MINDY4: variants seen among roughly 807,000 people sequenced by gnomAD.
The protein encoded by MINDY4 is probable ubiquitin carboxyl-terminal hydrolase MINDY-4.
MINDY4 carries 68 observed loss-of-function variants against 87.0 expected under a neutral mutation model. The observed-to-expected ratio is 0.78, with a 90% CI of 0.64 to 0.96. The LOEUF is 0.96. Among genes scored for constraint, MINDY4 ranks in the 40% least tolerant of loss-of-function variants. The pLI is 0.00. For synonymous variants in MINDY4, 379 were observed against 363.2 expected (o/e 1.04, Z -0.50); for missense variants, 919 against 928.2 (o/e 0.99, Z 0.13).
intron 5 of MINDY4, chr7:30,796,980 A>G (rs181758982): frequency 6.6e-6 from 1 of 152,192 alleles, no homozygotes; most frequent in Admixed American, 6.5e-5. Flanking sequence ...AGCAAGGACC[A>G]GCAGTATGTT....
intron 9 of MINDY4, among the ~76,000 whole-genome samples, chr7:30,846,964 C>A (rs139539237): frequency 5.3e-5 from 8 of 152,044 alleles, no homozygotes; most frequent in Non-Finnish European, 1.2e-4. Flanking sequence ...TCCTGCTGTG[C>A]GGCCTGGTTC....
rs542712298 is a variant in MINDY4 at position 30,812,638 on chromosome 7, A to T, written c.1074-16041A>T. ...TACATGGGCATCCGCAAGCTCTTGCACTCCAAGGAATCAGTGGTTACAGAA... is the reference window on the plus strand; with the variant it reads ...TACATGGGCATCCGCAAGCTCTTGCTCTCCAAGGAATCAGTGGTTACAGAA... On this transcript the variant is annotated intron_variant, in intron 5 of 17. Coordinates refer to ENST00000265299, the MANE Select transcript of MINDY4 (RefSeq NM_032222.3). Among the ~76,000 whole-genome samples, 18 of 152,272 alleles carry T rather than the reference A, an allele frequency of 1.2e-4. No homozygotes were observed. The South Asian group carries it at 3.7e-3, about 32-fold the overall frequency.
chr7:30,858,223 G>A (rs1337430570), intron 12 of MINDY4: 1 of 152,246 alleles, frequency 6.6e-6, no homozygotes, highest in African/African-American at 2.4e-5. Context: ...GATCCCAGTA[G>A]GCTGTGGCCC....
intron 9 of MINDY4, among the ~76,000 whole-genome samples, chr7:30,849,435 A>G (rs62449086): frequency 0.13 from 20,176 of 152,210 alleles, 1,485 homozygotes; most frequent in Middle Eastern, 0.26. Context: ...TCCTGGGAAT[A>G]TGAAATGGAA....
chr7:30,771,505 C>T lies in MINDY4; in HGVS notation c.12C>T (p.Leu4=), dbSNP rs1786632136. The T allele has an allele frequency of 3.1e-6, 5 of 1,605,734 alleles. No homozygotes were observed. The highest frequency in any genetic ancestry group is 1.7e-4 in the Middle Eastern group (1 of 5,964). The change falls in exon 1 of 18, where the codon CTC becomes CTT. Residue 4 remains leucine (L), a synonymous_variant. Coordinates refer to ENST00000265299, the MANE Select transcript of MINDY4 (RefSeq NM_032222.3). ...CCAGAGCCAGAGCCATGGACAGCCT[C>T]TTCGTGGAGGAGGTGGCCGCCTCCT... MDS[L]FVEEVAASLV...
chr7:30,880,663 G>A (rs1260767753), intron 15 of MINDY4, among the ~76,000 whole-genome samples: 1 of 152,172 alleles, frequency 6.6e-6, no homozygotes, highest in Non-Finnish European at 1.5e-5. Flanking sequence ...AGCATGGAAT[G>A]GAAGCCAAGT....
rs28505881 is a variant in MINDY4 at position 30,796,343 on chromosome 7, T to C, written c.1073+4769T>C. 6.9e-3 allele frequency among the ~76,000 whole-genome samples: 1,057 copies of C among 152,274 alleles called. 15 individuals are homozygous for C. Among genetic ancestry groups the C allele is most frequent in the African/African-American group, 0.024 (1,001 of 41,542 alleles). ...CAGGCTTAGGTGAGGGGAGGATGTC[T>C]AGCTTTGGGGCCTGCTGTGGTGAGT... On this transcript the variant is annotated intron_variant, in intron 5 of 17. Transcript: ENST00000265299.
chr7:30,882,820 C>CA (rs1790511311), intron 16 of MINDY4, 101 bp from the exon 17 acceptor site: 1 of 984,936 alleles, frequency 1.0e-6, no homozygotes, highest in Non-Finnish European at 1.6e-6. Context: ...GAGGAGGGGA[C>CA]AGGGACTAGA....
intron 9 of MINDY4, among the ~76,000 whole-genome samples, chr7:30,841,117 C>G (rs1789021212): frequency 6.6e-6 from 1 of 152,132 alleles, no homozygotes; most frequent in Non-Finnish European, 1.5e-5. Flanking sequence ...ACCAATTTCC[C>G]TCCTCAGACG....
chr7:30,799,018 G>A (rs1787575070), intron 5 of MINDY4, among the ~76,000 whole-genome samples: 2 of 152,130 alleles, frequency 1.3e-5, no homozygotes, highest in Admixed American at 1.3e-4. Context: ...TAGTAGGGTT[G>A]CTCACAGCTA....
intron 5 of MINDY4, among the ~76,000 whole-genome samples, chr7:30,798,298 G>A (rs913702630): frequency 2.0e-5 from 3 of 152,142 alleles, no homozygotes; most frequent in Non-Finnish European, 4.4e-5. Context: ...GATATTGACC[G>A]AAACCACATA....
intron 11 of MINDY4, among the ~76,000 whole-genome samples, 163 bp from the exon 12 acceptor site, chr7:30,853,231 A>G (rs1292386587): frequency 6.6e-6 from 1 of 152,192 alleles, no homozygotes; most frequent in Non-Finnish European, 1.5e-5. Context: ...ACATACAGGT[A>G]TGGCCGTGCC....
intron 2 of MINDY4, chr7:30,779,533 A>C (rs541527640): frequency 4.6e-5 from 7 of 152,360 alleles, no homozygotes; most frequent in African/African-American, 1.4e-4. Flanking sequence ...TCTCATGTGG[A>C]AGTCCAATAT....
intron 5 of MINDY4, among the ~76,000 whole-genome samples, chr7:30,809,811 G>GA (rs1422721613): frequency 4.6e-4 from 70 of 151,898 alleles, no homozygotes; most frequent in African/African-American, 1.7e-3. Context: ...AAAAAAGGGG[G>GA]GCAGAATTTA....
intron 1 of MINDY4, among the ~76,000 whole-genome samples, chr7:30,771,841 G>C (rs1473519182): frequency 1.3e-5 from 2 of 152,222 alleles, no homozygotes; most frequent in Non-Finnish European, 2.9e-5. Context: ...GCTGGGGAGG[G>C]GGCCTGGGGG....
intron 5 of MINDY4, among the ~76,000 whole-genome samples, chr7:30,794,948 T>C (rs1670951389): frequency 6.6e-6 from 1 of 152,130 alleles, no homozygotes; most frequent in Non-Finnish European, 1.5e-5. Context: ...GAGTAGACCC[T>C]CAGGAAACTT....
chr7:30,831,047 G>A (rs1440610665), intron 6 of MINDY4, among the ~76,000 whole-genome samples: 1 of 152,146 alleles, frequency 6.6e-6, no homozygotes, highest in Non-Finnish European at 1.5e-5. Flanking sequence ...CGCATTTGGG[G>A]GCTATATCTG....
intron 15 of MINDY4, among the ~76,000 whole-genome samples, chr7:30,878,815 C>A (rs1790368570): frequency 6.6e-6 from 1 of 152,238 alleles, no homozygotes; most frequent in Non-Finnish European, 1.5e-5. Context: ...ACCATCCACC[C>A]ATTTACTCAA....
intron 9 of MINDY4, among the ~76,000 whole-genome samples, chr7:30,848,580 G>T (rs1789299736): frequency 6.6e-6 from 1 of 152,224 alleles, no homozygotes; most frequent in Non-Finnish European, 1.5e-5. Flanking sequence ...AGTCCTTGGT[G>T]TGGGCTCTCC....
Sources: allele counts gnomAD v4.1 joint callset (sites outside exome capture counted in the v4.1 genomes callset), GRCh38; gene constraint gnomAD v4.1.1; transcripts MANE v1.5; gene names NCBI Gene and HGNC (gene_info 2026-07-23, HGNC 2026-07-21).